The following SGTA variants were observed in gnomAD, a reference collection of about 807,000 sequenced individuals.
SGTA encodes the protein small glutamine rich tetratricopeptide repeat co-chaperone alpha.
SGTA carries 22 observed loss-of-function variants against 44.3 expected under a neutral mutation model. That is an observed-to-expected ratio of 0.50 (90% CI 0.36 to 0.71). SGTA has a LOEUF of 0.71. Ranked by LOEUF, SGTA falls within the 30% of genes least tolerant of loss-of-function variation. SGTA has a pLI of 0.00. For synonymous variants in SGTA, 174 were observed against 177.6 expected (o/e 0.98, Z 0.16); for missense variants, 341 against 435.9 (o/e 0.78, Z 1.94).
At chr19:2,782,030 CG>C (rs1164379894) in intron 1 of SGTA, among the ~76,000 whole-genome samples, 1 of 152,094 alleles carries the variant, frequency 6.6e-6, no homozygotes, top group Non-Finnish European at 1.5e-5. Context: ...TCAGTAGAGA[CG>C]GGGTTTCACC....
chr19:2,762,148 GA>G (rs1313101756), intron 7 of SGTA, among the ~76,000 whole-genome samples: 1 of 152,090 alleles, frequency 6.6e-6, no homozygotes, highest in East Asian at 1.9e-4. Flanking sequence ...CCAGGCCAGG[GA>G]CCAGGCAACC....
chr19:2,766,222 G>GA (rs895326305), intron 4 of SGTA, among the ~76,000 whole-genome samples: 4 of 151,196 alleles, frequency 2.6e-5, no homozygotes, highest in Non-Finnish European at 4.4e-5. Flanking sequence ...TCTCAAAAAA[G>GA]AAAAAAAAGA....
chr19:2,782,322 A>C (rs533696265), intron 1 of SGTA, among the ~76,000 whole-genome samples: 2 of 152,330 alleles, frequency 1.3e-5, no homozygotes, highest in Admixed American at 6.5e-5. Context: ...CAAAAGGAAT[A>C]ATCAGAGACA....
Position 2,755,365 on chromosome 19 carries a change from C to T in SGTA, c.*575G>A, listed in dbSNP as rs77011897. 2,297 of 984,852 alleles carry T rather than the reference C, an allele frequency of 2.3e-3. 30 individuals carry two copies. The African/African-American group carries it at 0.037, about 16-fold the overall frequency. 61.0% of individuals were successfully genotyped at this position (984,852 alleles called of 1,614,324 possible). On this transcript the variant is annotated 3_prime_UTR_variant, in exon 12 of 12. Coordinates refer to ENST00000221566, the MANE Select transcript of SGTA (RefSeq NM_003021.4). The surrounding 1 kb of genome is among the most constrained non-coding windows in gnomAD (Gnocchi z 5.2). Reference sequence around the variant, plus strand: ...CGCGGAGGCGTGGGGTGACCGCAGCCGTCTCTTAGGTGTCTGCCACTAAAG... The same window carrying T: ...CGCGGAGGCGTGGGGTGACCGCAGCTGTCTCTTAGGTGTCTGCCACTAAAG...
At chr19:2,756,888 C>T (rs117861498) in intron 11 of SGTA, among the ~76,000 whole-genome samples, 3,521 of 152,320 alleles carry the variant, frequency 0.023, 68 homozygotes, top group Admixed American at 0.056. Flanking sequence ...GCAGGCAGAA[C>T]GCTCGGGCGC....
chr19:2,772,800 G>A (rs1204330123), intron 1 of SGTA, among the ~76,000 whole-genome samples: 4 of 144,898 alleles, frequency 2.8e-5, no homozygotes, highest in African/African-American at 8.4e-5. Context: ...GACACCGAGG[G>A]CAGAGATGGG....
chr19:2,767,901 A>C lies in SGTA; in HGVS notation c.101-215T>G, dbSNP rs530238545. Among the ~76,000 whole-genome samples, 3 of 152,262 alleles carry C rather than the reference A, an allele frequency of 2.0e-5. No homozygotes were observed. The East Asian group carries it at 5.8e-4, about 29-fold the overall frequency. Reference sequence around the variant, plus strand: ...CAGACAGAGACGCCCCGTGCCCCTGAGAGCAGCAGAGGCCGTGGGCAGAGT... The same window carrying C: ...CAGACAGAGACGCCCCGTGCCCCTGCGAGCAGCAGAGGCCGTGGGCAGAGT... On this transcript the variant is annotated intron_variant, in intron 2 of 11. Coordinates refer to ENST00000221566, the MANE Select transcript of SGTA (RefSeq NM_003021.4). This position sits in a 1 kb window ranked among gnomAD's most constrained non-coding sequence, Gnocchi z 7.3.
chr19:2,777,154 G>A (rs1915461990), intron 1 of SGTA, among the ~76,000 whole-genome samples: 1 of 151,680 alleles, frequency 6.6e-6, no homozygotes, highest in African/African-American at 2.4e-5. Flanking sequence ...GGGAGGCTGA[G>A]GCAGGAGAAT....
intron 11 of SGTA, 98 bp downstream of exon 11, chr19:2,757,238 GC>G: frequency 1.4e-6 from 2 of 1,419,054 alleles, no homozygotes; most frequent in Non-Finnish European, 1.9e-6. Flanking sequence ...AGGCTCCACA[GC>G]CCCCGGGCGT....
chr19:2,774,529 C>T (rs1050992318), intron 1 of SGTA, among the ~76,000 whole-genome samples: 3 of 152,166 alleles, frequency 2.0e-5, no homozygotes, highest in Non-Finnish European at 4.4e-5. Context: ...GCCCGAGACA[C>T]GTAGGTTAAC....
intron 1 of SGTA, among the ~76,000 whole-genome samples, chr19:2,771,536 C>T (rs979241430): frequency 1.4e-4 from 21 of 151,100 alleles, no homozygotes; most frequent in African/African-American, 5.1e-4. Context: ...CCTCAGTTTC[C>T]TCTTCTGTCC....
intron 7 of SGTA, among the ~76,000 whole-genome samples, chr19:2,762,227 G>A (rs1052592040): frequency 6.6e-6 from 1 of 152,058 alleles, no homozygotes; most frequent in Non-Finnish European, 1.5e-5. Flanking sequence ...CTCCTCACCC[G>A]GCCTCGCCAC....
intron 1 of SGTA, among the ~76,000 whole-genome samples, chr19:2,780,964 T>C (rs1181419689): frequency 1.3e-5 from 2 of 152,182 alleles, no homozygotes; most frequent in African/African-American, 4.8e-5. Flanking sequence ...TGCATACCTG[T>C]AGTCCCAGCT....
At chr19:2,760,266 C>A (rs1286860029) in intron 8 of SGTA, among the ~76,000 whole-genome samples, 1 of 152,022 alleles carries the variant, frequency 6.6e-6, no homozygotes, top group African/African-American at 2.4e-5. Context: ...CACCTGTAAT[C>A]CCAGCACTTT....
intron 8 of SGTA, among the ~76,000 whole-genome samples, chr19:2,760,978 G>C (rs958527321): frequency 2.6e-5 from 4 of 152,256 alleles, no homozygotes; most frequent in African/African-American, 9.6e-5. Context: ...CCTGCCAAAG[G>C]CCGTCCCTTT....
At position 2,767,255 on chromosome 19, in the gene SGTA, T is replaced by A; in HGVS notation, c.208-35A>T. On this transcript the variant is annotated intron_variant, in intron 3 of 11. Transcript: ENST00000221566. The surrounding 1 kb of genome is among the most constrained non-coding windows in gnomAD (Gnocchi z 7.3). Reference sequence around the variant, plus strand: ...GAGGCAAAGGCGGCCCGCTGTCCTCTCCTCCCAACCTGGCACCCTCCGGCC... The same window carrying A: ...GAGGCAAAGGCGGCCCGCTGTCCTCACCTCCCAACCTGGCACCCTCCGGCC... 1 of 1,532,138 alleles carries A rather than the reference T, an allele frequency of 6.5e-7. No individual in the cohort carries two copies. Among genetic ancestry groups the A allele is most frequent in the Non-Finnish European group, 8.9e-7 (1 of 1,120,808 alleles). 94.9% of individuals were successfully genotyped at this position (1,532,138 alleles called of 1,614,324 possible).
Position 2,755,030 on chromosome 19 carries a change from T to C in SGTA, c.*910A>G, listed in dbSNP as rs1914781205. Reference sequence around the variant, plus strand: ...CCTGGTGGCTGTTTTAGGGCCAAGGTGGGTGGCACCTGAGGTGTCCCGTGG... The same window carrying C: ...CCTGGTGGCTGTTTTAGGGCCAAGGCGGGTGGCACCTGAGGTGTCCCGTGG... On this transcript the variant is annotated 3_prime_UTR_variant, in exon 12 of 12. Coordinates refer to ENST00000221566, the MANE Select transcript of SGTA (RefSeq NM_003021.4). The surrounding 1 kb of genome is among the most constrained non-coding windows in gnomAD (Gnocchi z 5.2). 1 of 152,072 alleles carries C rather than the reference T, an allele frequency of 6.6e-6. No homozygotes were observed. Among genetic ancestry groups the C allele is most frequent in the African/African-American group, 2.4e-5 (1 of 41,396 alleles). The allele number at this position is 152,072 out of a possible 1,614,324, so 9.4% of individuals were successfully genotyped here.
chr19:2,765,859 G>A lies in SGTA; in HGVS notation c.293-574C>T, dbSNP rs1418999279. Among the ~76,000 whole-genome samples the A allele has an allele frequency of 1.3e-5, 2 of 152,250 alleles. No homozygotes were observed. The highest frequency in any genetic ancestry group is 1.3e-4 in the Admixed American group (2 of 15,292). The stretch of plus-strand genomic sequence containing the variant: ...TCAGGAGGGCGTGGGGGGAAGATGG[G>A]TATCAGCGTGTGTTTCCCTAAACAG... On this transcript the variant is annotated intron_variant, in intron 4 of 11. Transcript: ENST00000221566. This position sits in a 1 kb window ranked among gnomAD's most constrained non-coding sequence, Gnocchi z 5.5.
intron 9 of SGTA, 107 bp from the exon 10 acceptor site, chr19:2,757,889 C>A: frequency 1.4e-6 from 1 of 714,348 alleles, no homozygotes. Flanking sequence ...CTTCACCTTC[C>A]CCTGCAGGAG....
Sources: gnomAD v4.1 joint callset for allele counts (sites outside exome capture counted in the v4.1 genomes callset) on GRCh38, gnomAD v4.1.1 for gene constraint, Gnocchi (gnomAD v3.1) non-coding constraint, MANE v1.5 for transcripts, NCBI Gene and HGNC (gene_info 2026-07-23, HGNC 2026-07-21) for gene names.